Variants in LARGE1 observed in about 807,000 individuals in gnomAD.
LARGE1 encodes the protein LARGE xylosyl- and glucuronyltransferase 1, also known as xylosyl- and glucuronyltransferase LARGE1.
Under a neutral mutation model 87.6 loss-of-function variants are expected in LARGE1, and 43 were observed. That is an observed-to-expected ratio of 0.49 (90% confidence interval 0.38 to 0.63). The LOEUF (loss-of-function observed/expected upper bound fraction) is 0.63. Ranked by LOEUF, LARGE1 falls within the 30% of genes least tolerant of loss-of-function variation. The pLI is 0.00. For missense variants in LARGE1, 802 were observed against 1,000.2 expected (o/e 0.80, Z 2.67); for synonymous variants, 434 against 394.6 (o/e 1.10, Z -1.18).
chr22:33,788,271 T>A (rs968629123), intron 1 of LARGE1, among the ~76,000 whole-genome samples: 1 of 152,232 alleles, frequency 6.6e-6, no homozygotes, highest in African/African-American at 2.4e-5. Context: ...TCTTGCCTGC[T>A]GCCATGTAAG....
chr22:33,883,921 T>C (rs2064771316), intron 1 of LARGE1, among the ~76,000 whole-genome samples: 1 of 152,248 alleles, frequency 6.6e-6, no homozygotes, highest in South Asian at 2.1e-4. Flanking sequence ...AGACACAGTA[T>C]GTTTTCCTTG....
intron 5 of LARGE1, among the ~76,000 whole-genome samples, chr22:33,596,740 T>C (rs930976638): frequency 7.9e-5 from 12 of 152,184 alleles, no homozygotes; most frequent in African/African-American, 2.7e-4. Context: ...CATCTTTAAA[T>C]ATATGAAAGG....
intron 1 of LARGE1, among the ~76,000 whole-genome samples, chr22:33,785,060 T>C (rs111220683): frequency 0.16 from 20,095 of 126,270 alleles, 3,092 homozygotes; most frequent in Admixed American, 0.3. Flanking sequence ...TACATGTGTA[T>C]ATAGATATAT....
intron 12 of LARGE1, among the ~76,000 whole-genome samples, chr22:33,296,719 C>T (rs1231372791): frequency 6.6e-6 from 1 of 152,080 alleles, no homozygotes; most frequent in African/African-American, 2.4e-5. Context: ...CAGGCATGCA[C>T]CACCACGTCC....
chr22:33,865,302 C>G (rs922880813), intron 1 of LARGE1, among the ~76,000 whole-genome samples: 1 of 152,226 alleles, frequency 6.6e-6, no homozygotes, highest in African/African-American at 2.4e-5. Flanking sequence ...TTCAGCCGGA[C>G]CTTCTCTTCT....
chr22:33,801,873 C>T (rs1208572687), intron 1 of LARGE1, among the ~76,000 whole-genome samples: 1 of 150,420 alleles, frequency 6.6e-6, no homozygotes, highest in Non-Finnish European at 1.5e-5. Flanking sequence ...GCATCTACTT[C>T]ATAAGTTGTA....
In LARGE1 at chr22:33,274,613, G is replaced by T; in HGVS notation, c.2085C>A (p.Phe695Leu). Residue 695 changes from phenylalanine (F) to leucine (L), a missense_variant, in exon 15 of 15, where the codon TTC (phenylalanine) becomes TTA (leucine). Transcript: ENST00000397394. ...IMELDVQEYE[F>L]IVLPNAYMIH... is the part of the protein sequence containing the mutation. ...TCATGTAGGCGTTGGGCAGCACAAT[G>T]AACTCATACTCCTGGAAGAAGACAA... 6.2e-7 allele frequency: 1 copy of T among 1,614,138 alleles called. No individual in the cohort carries two copies. The highest frequency in any genetic ancestry group is 8.5e-7 in the Non-Finnish European group (1 of 1,179,992).
chr22:33,337,569 A>T, intron 10 of LARGE1, 77 bp downstream of exon 10: 1 of 1,546,386 alleles, frequency 6.5e-7, no homozygotes, highest in Non-Finnish European at 8.9e-7. Flanking sequence ...CCTGACATAG[A>T]GCCTGGCATG....
At chr22:33,548,457 C>T (rs909320751) in intron 6 of LARGE1, among the ~76,000 whole-genome samples, 7 of 151,966 alleles carry the variant, frequency 4.6e-5, no homozygotes, top group African/African-American at 1.7e-4. Context: ...CTCTTGTTGT[C>T]CAGGCTGGAG....
intron 1 of LARGE1, among the ~76,000 whole-genome samples, chr22:33,793,082 A>G (rs1178302198): frequency 1.3e-5 from 2 of 152,256 alleles, no homozygotes; most frequent in South Asian, 2.1e-4. Flanking sequence ...GAGCAGTGCC[A>G]TGAAGATTTA....
intron 5 of LARGE1, among the ~76,000 whole-genome samples, chr22:33,580,292 C>T (rs1233464999): frequency 6.6e-6 from 1 of 151,942 alleles, no homozygotes; most frequent in Non-Finnish European, 1.5e-5. Context: ...ATCGCTTGAA[C>T]CCAGGTGGCG....
intron 1 of LARGE1, among the ~76,000 whole-genome samples, chr22:33,805,509 G>A (rs1051186671): frequency 5.9e-5 from 9 of 152,070 alleles, no homozygotes; most frequent in Non-Finnish European, 1.3e-4. Flanking sequence ...TCAGGCGGGC[G>A]GATCACCTGA....
chr22:33,460,839 C>T (rs907507782), intron 6 of LARGE1, among the ~76,000 whole-genome samples: 7 of 152,124 alleles, frequency 4.6e-5, no homozygotes, highest in African/African-American at 1.7e-4. Context: ...CCTGTCTTAG[C>T]CTTGGGTCTG....
At chr22:33,513,461 T>C (rs571186687) in intron 6 of LARGE1, among the ~76,000 whole-genome samples, 9 of 152,224 alleles carry the variant, frequency 5.9e-5, no homozygotes, top group African/African-American at 2.2e-4. Flanking sequence ...CAGACTGTTA[T>C]ATGGCCAGGG....
chr22:33,388,126 T>C (rs1389888900), intron 7 of LARGE1, among the ~76,000 whole-genome samples: 1 of 152,264 alleles, frequency 6.6e-6, no homozygotes, highest in Non-Finnish European at 1.5e-5. Flanking sequence ...GATTTAACTA[T>C]GTTAGTATTT....
chr22:33,125,456 T>TC, the LARGE1 span, among the ~76,000 whole-genome samples: 13 of 151,816 alleles, frequency 8.6e-5, no homozygotes, highest in African/African-American at 3.1e-4. Context: ...AATTTTTTTT[T>TC]TTTTTTTGAG....
chr22:33,582,801 C>A (rs1004552219), intron 5 of LARGE1, among the ~76,000 whole-genome samples: 11 of 152,322 alleles, frequency 7.2e-5, no homozygotes, highest in African/African-American at 2.4e-4. Context: ...CAAATGTTAA[C>A]TTCATTAGGT....
chr22:33,497,721 A>G (rs2070209974), intron 6 of LARGE1, among the ~76,000 whole-genome samples: 2 of 152,158 alleles, frequency 1.3e-5, no homozygotes, highest in South Asian at 4.1e-4. Flanking sequence ...TTTTCCTAAC[A>G]CTGCTAAATA....
chr22:33,628,940 A>C (rs981102517), intron 3 of LARGE1, among the ~76,000 whole-genome samples: 7 of 152,208 alleles, frequency 4.6e-5, no homozygotes, highest in African/African-American at 1.4e-4. Context: ...AGACAGCCCC[A>C]AAACAAAGAC....
Sources: gnomAD v4.1 joint callset for allele counts (sites outside exome capture counted in the v4.1 genomes callset) on GRCh38, gnomAD v4.1.1 for gene constraint, MANE v1.5 for transcripts, NCBI Gene and HGNC (gene_info 2026-07-23, HGNC 2026-07-21) for gene names.